Variants in PDE3A observed in about 807,000 individuals in gnomAD.
The protein encoded by PDE3A is cGMP-inhibited 3',5'-cyclic phosphodiesterase 3A.
PDE3A carries 43 observed loss-of-function variants against 98.3 expected under a neutral mutation model. The observed-to-expected ratio is 0.44, with a 90% CI of 0.34 to 0.56. The LOEUF is 0.56. PDE3A is among the 20% of genes least tolerant of loss of function. The probability of loss-of-function intolerance (pLI) is 0.01; values close to 1 mark genes in which losing one functional copy is unlikely to be tolerated. For missense variants in PDE3A, 1,427 were observed against 1,440.7 expected (o/e 0.99, Z 0.15); for synonymous variants, 663 against 567.9 (o/e 1.17, Z -2.38).
chr12:20,611,440 G>T (rs184559598), intron 2 of PDE3A, among the ~76,000 whole-genome samples: 2 of 151,516 alleles, frequency 1.3e-5, no homozygotes, highest in African/African-American at 2.4e-5. Context: ...GTTTTTCACC[G>T]TACTGGTTCA....
intron 15 of PDE3A, among the ~76,000 whole-genome samples, chr12:20,668,755 A>G (rs1945390001): frequency 6.6e-6 from 1 of 151,488 alleles, no homozygotes; most frequent in Admixed American, 6.6e-5. Flanking sequence ...GGGAAAAAAC[A>G]GAACAGAAAA....
chr12:20,471,828 A>C (rs1190152614), intron 1 of PDE3A, among the ~76,000 whole-genome samples: 3 of 152,120 alleles, frequency 2.0e-5, no homozygotes, highest in African/African-American at 4.8e-5. Flanking sequence ...TTTTTTTCCC[A>C]AAATATATTT....
At chr12:20,647,491 G>A (rs1041844155) in intron 12 of PDE3A, among the ~76,000 whole-genome samples, 2 of 152,102 alleles carry the variant, frequency 1.3e-5, no homozygotes, top group South Asian at 2.1e-4. Context: ...TCATCTTGGT[G>A]TATAGTTCTA....
intron 2 of PDE3A, among the ~76,000 whole-genome samples, chr12:20,576,995 C>T (rs1411218116): frequency 6.6e-6 from 1 of 151,640 alleles, no homozygotes; most frequent in Non-Finnish European, 1.5e-5. Context: ...GAGTTAGCAC[C>T]CTCCAATACA....
chr12:20,674,835 T>G (rs1945592104), intron 15 of PDE3A, among the ~76,000 whole-genome samples: 1 of 152,060 alleles, frequency 6.6e-6, no homozygotes, highest in Admixed American at 6.6e-5. Context: ...GTCTTCTCAT[T>G]TTTCTTGGTT....
chr12:20,371,444 C>T (rs1432299811), intron 1 of PDE3A: 1 of 982,520 alleles, frequency 1.0e-6, no homozygotes, highest in Non-Finnish European at 1.2e-6. Context: ...ATTAGGACAA[C>T]TTTAGGGAGC....
chr12:20,403,211 G>C (rs1944166522), intron 1 of PDE3A, among the ~76,000 whole-genome samples: 1 of 152,128 alleles, frequency 6.6e-6, no homozygotes, highest in Admixed American at 6.5e-5. Context: ...AACATCTTCA[G>C]AGACAATTAA....
intron 1 of PDE3A, among the ~76,000 whole-genome samples, chr12:20,448,698 A>G (rs192174389): frequency 6.6e-6 from 1 of 150,726 alleles, no homozygotes; most frequent in African/African-American, 2.4e-5. Context: ...TCACTAAAAA[A>G]TTTTATTTGT....
chr12:20,410,424 T>C lies in PDE3A; in HGVS notation c.960+40180T>C, dbSNP rs1944312708. On this transcript the variant is annotated intron_variant, in intron 1 of 15. Transcript: ENST00000359062. ...CAGAGAAAATGAAACATAATTTCTG[T>C]TCTTTCTGCTAGTGTGGGGAGAGGA... Among the ~76,000 whole-genome samples the C allele has an allele frequency of 2.0e-5, 3 of 152,190 alleles. No individual in the cohort carries two copies. The South Asian group carries it at 6.2e-4, about 31-fold the overall frequency.
intron 5 of PDE3A, 133 bp downstream of exon 5, chr12:20,621,544 T>C (rs992399320): frequency 1.8e-6 from 1 of 570,226 alleles, no homozygotes; most frequent in Non-Finnish European, 3.1e-6. Context: ...TAATAACCAA[T>C]TAGTTATTTT....
chr12:20,516,489 C>G (rs1946325601), intron 1 of PDE3A, among the ~76,000 whole-genome samples: 1 of 152,136 alleles, frequency 6.6e-6, no homozygotes. Flanking sequence ...ATAGTCATTA[C>G]CTGGCATGTA....
chr12:20,438,400 A>G (rs1944813914), intron 1 of PDE3A, among the ~76,000 whole-genome samples: 1 of 152,210 alleles, frequency 6.6e-6, no homozygotes, highest in African/African-American at 2.4e-5. Context: ...ATTTCTCAGC[A>G]TTCCAAGGTT....
intron 1 of PDE3A, among the ~76,000 whole-genome samples, chr12:20,523,068 G>C (rs989033985): frequency 6.6e-6 from 1 of 151,970 alleles, no homozygotes; most frequent in Non-Finnish European, 1.5e-5. Context: ...TGGGCGGTGG[G>C]GTGGGTGGCA....
chr12:20,676,269 T>C (rs1234715746), intron 15 of PDE3A, among the ~76,000 whole-genome samples: 1 of 152,202 alleles, frequency 6.6e-6, no homozygotes, highest in Non-Finnish European at 1.5e-5. Flanking sequence ...CTAGTGGTGA[T>C]GAATTCTCTG....
chr12:20,433,877 G>T (rs142406025), intron 1 of PDE3A, among the ~76,000 whole-genome samples: 24 of 151,220 alleles, frequency 1.6e-4, no homozygotes, highest in African/African-American at 5.8e-4. Context: ...TGTGTAGATA[G>T]AATTCCTACA....
intron 1 of PDE3A, among the ~76,000 whole-genome samples, chr12:20,510,499 A>T (rs1946201289): frequency 6.6e-6 from 1 of 152,130 alleles, no homozygotes; most frequent in African/African-American, 2.4e-5. Flanking sequence ...TTTTAGAGAT[A>T]AAAATCTATA....
Position 20,552,116 on chromosome 12 carries a change from C to A in PDE3A, c.961-4544C>A. ...GGCAACAAGAGGACCGCGGAACAGT[C>A]TTGTGATCAGAAACTCACCAACACC... On this transcript the variant is annotated intron_variant, in intron 1 of 15. Transcript: ENST00000359062. The surrounding 1 kb of genome is among the most constrained non-coding windows in gnomAD (Gnocchi z 5.1). The A allele has an allele frequency of 6.2e-7, 1 of 1,613,374 alleles. No homozygotes were observed.
At chr12:20,642,166 T>C (rs1944659542) in intron 10 of PDE3A, among the ~76,000 whole-genome samples, 2 of 152,248 alleles carry the variant, frequency 1.3e-5, no homozygotes, top group South Asian at 4.2e-4. Flanking sequence ...AACTTTAATA[T>C]GATAATGTGT....
At chr12:20,622,844 C>T (rs1392516077) in intron 5 of PDE3A, among the ~76,000 whole-genome samples, 1 of 151,996 alleles carries the variant, frequency 6.6e-6, no homozygotes, top group African/African-American at 2.4e-5. Context: ...GAAGCATCAC[C>T]AGTTAAGGGC....
Sources: gnomAD v4.1 joint callset for allele counts (sites outside exome capture counted in the v4.1 genomes callset) on GRCh38, gnomAD v4.1.1 for gene constraint, Gnocchi (gnomAD v3.1) non-coding constraint, MANE v1.5 for transcripts, NCBI Gene and HGNC (gene_info 2026-07-23, HGNC 2026-07-21) for gene names.